The following ATP8A2 variants were observed in gnomAD, a reference collection of about 807,000 sequenced individuals.
The protein encoded by ATP8A2 is ATPase phospholipid transporting 8A2.
In ATP8A2, 100 loss-of-function variants were observed where a neutral mutation model predicts 165.6. The observed-to-expected ratio is 0.60, with a 90% CI of 0.51 to 0.71. The LOEUF is 0.71. ATP8A2 is among the 30% of genes least tolerant of loss of function. The pLI is 0.00. For synonymous variants in ATP8A2, 543 were observed against 548.8 expected, an observed-to-expected ratio of 0.99 and a Z score of 0.15; for missense variants, 1,227 against 1,479.5, an observed-to-expected ratio of 0.83 and a Z score of 2.80.
chr13:25,931,634 G>C (rs1402999057), intron 33 of ATP8A2, among the ~76,000 whole-genome samples: 1 of 152,188 alleles, frequency 6.6e-6, no homozygotes, highest in African/African-American at 2.4e-5. Context: ...TGAACAGTCT[G>C]CAATACCTGA....
At chr13:25,664,196 G>C (rs527656462) in intron 24 of ATP8A2, among the ~76,000 whole-genome samples, 2 of 152,250 alleles carry the variant, frequency 1.3e-5, no homozygotes, top group African/African-American at 4.8e-5. Flanking sequence ...GAAGAAATTA[G>C]AAGATGAATA....
At chr13:25,398,832 G>A (rs933207540) in intron 1 of ATP8A2, among the ~76,000 whole-genome samples, 1 of 152,128 alleles carries the variant, frequency 6.6e-6, no homozygotes, top group African/African-American at 2.4e-5. Context: ...CCAGGTATGA[G>A]GGTGACCAAG....
chr13:25,609,910 TTTC>T (rs2040635324), intron 24 of ATP8A2, among the ~76,000 whole-genome samples: 1 of 152,064 alleles, frequency 6.6e-6, no homozygotes, highest in Admixed American at 6.6e-5. Flanking sequence ...GCCATTTGTA[TTTC>T]TTCTTTTGAG....
At chr13:25,967,578 A>C (rs1382116918) in intron 34 of ATP8A2, among the ~76,000 whole-genome samples, 1 of 152,228 alleles carries the variant, frequency 6.6e-6, no homozygotes, top group African/African-American at 2.4e-5. Flanking sequence ...GTCCTGGTAC[A>C]TAGCAGGATC....
At chr13:25,458,449 A>G (rs1181544563) in intron 1 of ATP8A2, among the ~76,000 whole-genome samples, 5 of 152,194 alleles carry the variant, frequency 3.3e-5, no homozygotes, top group African/African-American at 1.2e-4. Flanking sequence ...TCTTGGGCTC[A>G]AGCAATCCTC....
At chr13:25,808,183 G>A (rs566560130) in intron 27 of ATP8A2, among the ~76,000 whole-genome samples, 1 of 150,636 alleles carries the variant, frequency 6.6e-6, no homozygotes, top group African/African-American at 2.4e-5. Context: ...AGGCTGGAGT[G>A]CAGTGCCACA....
At chr13:25,769,460 G>A (rs1411029156) in intron 26 of ATP8A2, among the ~76,000 whole-genome samples, 1 of 152,222 alleles carries the variant, frequency 6.6e-6, no homozygotes, top group Non-Finnish European at 1.5e-5. Context: ...GGTTGGCCAA[G>A]CTGCTCTGTG....
At chr13:25,416,324 A>G (rs1382754273) in intron 1 of ATP8A2, among the ~76,000 whole-genome samples, 1 of 152,176 alleles carries the variant, frequency 6.6e-6, no homozygotes, top group East Asian at 1.9e-4. Flanking sequence ...TCCTGTTAAA[A>G]CCCATAAAAC....
chr13:25,987,721 G>T (rs141059685), intron 35 of ATP8A2, among the ~76,000 whole-genome samples: 2 of 152,332 alleles, frequency 1.3e-5, no homozygotes, highest in Admixed American at 6.5e-5. Flanking sequence ...CCTGGTTCTT[G>T]ATCTGGACAG....
chr13:25,405,567 G>A (rs1346691747), intron 1 of ATP8A2, among the ~76,000 whole-genome samples: 1 of 152,098 alleles, frequency 6.6e-6, no homozygotes, highest in Non-Finnish European at 1.5e-5. Context: ...AGACCCTAAA[G>A]AGCTTATGCA....
intron 25 of ATP8A2, 65 bp from the exon 26 acceptor site, chr13:25,768,981 G>T (rs1350962017): frequency 2.1e-6 from 3 of 1,445,866 alleles, no homozygotes; most frequent in Admixed American, 3.4e-5. Flanking sequence ...GCAGCGGAAT[G>T]TAGATTACAG....
chr13:25,544,858 C>T (rs549932542), intron 10 of ATP8A2, among the ~76,000 whole-genome samples: 13 of 146,736 alleles, frequency 8.9e-5, no homozygotes, highest in Non-Finnish European at 1.3e-4. Context: ...GGCCTGGCTA[C>T]GGGGGAGGGG....
chr13:25,753,806 A>C (rs1306453558), intron 25 of ATP8A2, among the ~76,000 whole-genome samples: 1 of 152,210 alleles, frequency 6.6e-6, no homozygotes, highest in Non-Finnish European at 1.5e-5. Flanking sequence ...CTTATGTCAA[A>C]ACGCAGGCCC....
At chr13:25,741,553 TA>T (rs1441971164) in intron 25 of ATP8A2, among the ~76,000 whole-genome samples, 1 of 151,604 alleles carries the variant, frequency 6.6e-6, no homozygotes, top group East Asian at 1.9e-4. Flanking sequence ...AGCTAATTTT[TA>T]ATTTTTTTTT....
intron 33 of ATP8A2, among the ~76,000 whole-genome samples, chr13:25,914,241 A>G (rs1035192163): frequency 6.6e-6 from 1 of 151,870 alleles, no homozygotes; most frequent in Non-Finnish European, 1.5e-5. Flanking sequence ...GTGTTTTCCT[A>G]TGGTATCACT....
chr13:25,533,293 C>A lies in ATP8A2; in HGVS notation c.487C>A (p.His163Asn). ...KTIVLRNGMWHTIMWKEVAVG... is the reference protein window; with the variant it reads ...KTIVLRNGMWNTIMWKEVAVG... ...TTCAGTGTTAAGAAATGGTATGTGG[C>A]ATACCATTATGTGGAAAGAGGTAAA... The change falls in exon 6 of 37, where the codon CAT (histidine) becomes AAT (asparagine). Residue 163 changes from histidine to asparagine, a missense_variant. His to Asn is a moderately conservative substitution (Grantham distance 68). This residue lies in a region of ATP8A2 where 356 missense variants were observed against 394.9 expected (regional missense o/e 0.90). Coordinates refer to ENST00000381655, the MANE Select transcript of ATP8A2 (RefSeq NM_016529.6). The A allele has an allele frequency of 6.6e-7, 1 of 1,514,256 alleles. No homozygotes were observed. The highest frequency in any genetic ancestry group is 9.2e-7 in the Non-Finnish European group (1 of 1,092,606). The allele number at this position is 1,514,256 out of a possible 1,614,324, so 93.8% of individuals were successfully genotyped here.
At chr13:25,475,622 T>C (rs1013829987) in intron 2 of ATP8A2, among the ~76,000 whole-genome samples, 1 of 152,240 alleles carries the variant, frequency 6.6e-6, no homozygotes. Context: ...TGAACTAATT[T>C]ACACTTTCAC....
chr13:25,541,880 A>C (rs1424073310), intron 8 of ATP8A2, 39 bp from the exon 9 acceptor site: 2 of 1,612,360 alleles, frequency 1.2e-6, no homozygotes, highest in Admixed American at 3.3e-5. Context: ...TAAGCACAGA[A>C]GATTGTGTTT....
intron 1 of ATP8A2, among the ~76,000 whole-genome samples, chr13:25,407,550 C>T (rs114083018): frequency 2.8e-3 from 423 of 152,324 alleles, no homozygotes; most frequent in African/African-American, 9.8e-3. Flanking sequence ...TATCTTCCCA[C>T]TACCTATAAT....
Sources: gnomAD v4.1 joint callset for allele counts (sites outside exome capture counted in the v4.1 genomes callset) on GRCh38, gnomAD v4.1.1 for gene constraint, gnomAD v4.1.1 regional missense constraint, MANE v1.5 for transcripts, NCBI Gene and HGNC (gene_info 2026-07-23, HGNC 2026-07-21) for gene names.